The following NRCAM variants were observed in gnomAD, a reference collection of about 807,000 sequenced individuals.
NRCAM encodes the protein NgCAM-related cell adhesion molecule.
NRCAM carries 83 observed loss-of-function variants against 156.5 expected under a neutral mutation model. The ratio of observed to expected loss-of-function variants is 0.53; its 90% confidence interval spans 0.44 to 0.64. The LOEUF is 0.64. NRCAM is among the 30% of genes least tolerant of loss of function. The pLI, the probability that NRCAM is intolerant of heterozygous loss-of-function variation, is 0.00. For synonymous variants in NRCAM, 538 were observed against 563.9 expected, an observed-to-expected ratio of 0.95 and a Z score of 0.65; for missense variants, 1,417 against 1,597.3, an observed-to-expected ratio of 0.89 and a Z score of 1.92.
chr7:108,451,111 C>T lies in NRCAM; in HGVS notation c.-332+5132G>A, dbSNP rs114243311. ...GCAGGTGCCTGTAATCCCAGGTAAT[C>T]AGGTGGCTGAGGCAGGACAATCACT... On this transcript the variant is annotated intron_variant, in intron 1 of 32. Transcript: ENST00000379028. 3.7e-3 allele frequency among the ~76,000 whole-genome samples: 567 copies of T among 151,754 alleles called. 2 individuals are homozygous for T. Among genetic ancestry groups the T allele is most frequent in the African/African-American group, 0.013 (543 of 41,352 alleles).
intron 2 of NRCAM, among the ~76,000 whole-genome samples, chr7:108,392,351 C>G (rs1163970972): frequency 1.3e-5 from 2 of 152,190 alleles, no homozygotes; most frequent in Non-Finnish European, 2.9e-5. Context: ...CCCTTTCTTA[C>G]AGTTGATCAA....
rs1054683177 is a variant in NRCAM, at chr7:108,383,135, C to CAT, written c.-174+16300_-174+16301insAT. 7.0e-5 allele frequency among the ~76,000 whole-genome samples: 6 copies of CAT among 86,322 alleles called. No homozygotes were observed. The Admixed American group carries it at 8.9e-4, about 13-fold the overall frequency. The allele number at this position is 86,322 out of a possible 152,430, so 56.6% of individuals were successfully genotyped here. On this transcript the variant is annotated intron_variant, in intron 2 of 32. Coordinates refer to ENST00000379028, the MANE Select transcript of NRCAM (RefSeq NM_001037132.4). ...GAGTCACACCACACACACACACACG[C>CAT]TCTCACACACACACACACACCCCTT...
intron 2 of NRCAM, among the ~76,000 whole-genome samples, chr7:108,316,788 CA>C (rs35502722): frequency 0.15 from 18,722 of 124,686 alleles, 1,337 homozygotes; most frequent in Admixed American, 0.22. Context: ...GACTCCATCT[CA>C]AAAAAAAAAA....
rs181080262 is a variant in NRCAM at position 108,291,182 on chromosome 7, A to G, written c.-107+21483T>C. On this transcript the variant is annotated intron_variant, in intron 3 of 32. Transcript: ENST00000379028. Reference sequence around the variant, plus strand: ...ATAACCTCAATCCAACACCAAATTAATTTACATAGCATGAGTGTTCTGAAT... The same window carrying G: ...ATAACCTCAATCCAACACCAAATTAGTTTACATAGCATGAGTGTTCTGAAT... 7.2e-5 allele frequency among the ~76,000 whole-genome samples: 11 copies of G among 152,278 alleles called. No individual in the cohort carries two copies. In the East Asian group the frequency reaches 1.9e-3, roughly 27 times the overall value.
intron 13 of NRCAM, among the ~76,000 whole-genome samples, chr7:108,199,947 G>C (rs1222850168): frequency 1.3e-5 from 2 of 152,018 alleles, no homozygotes; most frequent in Admixed American, 1.3e-4. Flanking sequence ...TTAAAAATTC[G>C]CCATACATTT....
At chr7:108,237,402 T>C (rs1226872550) in intron 5 of NRCAM, among the ~76,000 whole-genome samples, 1 of 152,202 alleles carries the variant, frequency 6.6e-6, no homozygotes, top group African/African-American at 2.4e-5. Flanking sequence ...AAAAGACCTA[T>C]CTTTGTTCCA....
chr7:108,286,912 T>C (rs2098121499), intron 3 of NRCAM, among the ~76,000 whole-genome samples: 1 of 152,186 alleles, frequency 6.6e-6, no homozygotes, highest in Non-Finnish European at 1.5e-5. Flanking sequence ...CGGGTAATTT[T>C]TATAAGGCAC....
At chr7:108,345,030 T>C (rs2099339586) in intron 2 of NRCAM, among the ~76,000 whole-genome samples, 1 of 152,200 alleles carries the variant, frequency 6.6e-6, no homozygotes, top group Non-Finnish European at 1.5e-5. Context: ...CTGAAACAAA[T>C]TAGCAGGACC....
At chr7:108,292,300 G>C (rs182519498) in intron 3 of NRCAM, among the ~76,000 whole-genome samples, 2 of 152,128 alleles carry the variant, frequency 1.3e-5, no homozygotes, top group Non-Finnish European at 2.9e-5. Context: ...CCAAGTTTCT[G>C]TTGGCACTAG....
intron 12 of NRCAM, among the ~76,000 whole-genome samples, chr7:108,208,470 G>A (rs2082321362): frequency 6.6e-6 from 1 of 152,030 alleles, no homozygotes; most frequent in Admixed American, 6.5e-5. Flanking sequence ...TGTGACCATG[G>A]TCTAGTTACC....
At chr7:108,191,890 C>T (rs2071889684) in intron 17 of NRCAM, 37 bp from the exon 18 acceptor site, 5 of 1,599,754 alleles carry the variant, frequency 3.1e-6, no homozygotes, top group South Asian at 1.1e-5. Context: ...CTGAAATGGA[C>T]ATGCAGCCGT....
chr7:108,239,984 A>C lies in NRCAM; in HGVS notation c.81T>G (p.Ile27Met), dbSNP rs771962929. The part of the protein sequence containing the change: ...VPLILFLCQM[I>M]SALEVPLDPK... ...GATCAAGAGGTACTTCCAGTGCACT[A>C]ATCATCTGGCACAGGAAGAGAATCA... Residue 27 changes from isoleucine (I) to methionine (M), a missense_variant, in exon 4 of 33, where the codon ATT becomes ATG. By Grantham distance (10) the Ile-to-Met change is conservative (BLOSUM62 1). Coordinates refer to ENST00000379028, the MANE Select transcript of NRCAM (RefSeq NM_001037132.4). 1.2e-6 allele frequency: 2 copies of C among 1,612,730 alleles called. No individual in the cohort carries two copies. Among genetic ancestry groups the C allele is most frequent in the South Asian group, 1.1e-5 (1 of 91,032 alleles).
At chr7:108,252,675 C>A (rs981179557) in intron 3 of NRCAM, among the ~76,000 whole-genome samples, 2 of 152,136 alleles carry the variant, frequency 1.3e-5, no homozygotes, top group African/African-American at 4.8e-5. Context: ...TTTCTCTGTC[C>A]ATTTAACTAA....
At chr7:108,195,893 T>C (rs1376833945) in intron 14 of NRCAM, 21 bp from the exon 15 acceptor site, 1 of 1,408,430 alleles carries the variant, frequency 7.1e-7, no homozygotes, top group Admixed American at 1.7e-5. Flanking sequence ...TTTTAAAAGG[T>C]AAAGTAAATA....
chr7:108,314,059 A>T (rs186859556), intron 2 of NRCAM, among the ~76,000 whole-genome samples: 3 of 152,364 alleles, frequency 2.0e-5, no homozygotes, highest in East Asian at 3.9e-4. Flanking sequence ...CGCTCTAAAA[A>T]GCACAGATAT....
chr7:108,165,719 CATT>C (rs933991253), intron 30 of NRCAM, among the ~76,000 whole-genome samples: 29 of 152,246 alleles, frequency 1.9e-4, no homozygotes, highest in African/African-American at 5.8e-4. Context: ...TAGTTTAATA[CATT>C]ATTGTTGTTT....
chr7:108,444,986 G>A (rs1842738009), intron 1 of NRCAM, among the ~76,000 whole-genome samples: 1 of 152,082 alleles, frequency 6.6e-6, no homozygotes, highest in African/African-American at 2.4e-5. Context: ...ATACAAACCT[G>A]CTCACAAGCC....
chr7:108,268,302 G>A (rs1372775387), intron 3 of NRCAM, among the ~76,000 whole-genome samples: 2 of 152,154 alleles, frequency 1.3e-5, no homozygotes, highest in African/African-American at 4.8e-5. Flanking sequence ...AGAAGCAGTG[G>A]ATGTTCCAAA....
chr7:108,350,110 A>G (rs1175163365), intron 2 of NRCAM, among the ~76,000 whole-genome samples: 1 of 152,148 alleles, frequency 6.6e-6, no homozygotes, highest in East Asian at 1.9e-4. Flanking sequence ...AGATATACCT[A>G]TGCTTCAATC....
Sources: gnomAD v4.1 joint callset for allele counts (sites outside exome capture counted in the v4.1 genomes callset) on GRCh38, gnomAD v4.1.1 for gene constraint, MANE v1.5 for transcripts, NCBI Gene and HGNC (gene_info 2026-07-23, HGNC 2026-07-21) for gene names.